The following SRGAP2 variants were observed in gnomAD, a reference collection of about 807,000 sequenced individuals.
The protein encoded by SRGAP2 is SLIT-ROBO Rho GTPase activating protein 2.
A neutral mutation model predicts 57.2 loss-of-function variants in SRGAP2; 15 were observed. The ratio of observed to expected loss-of-function variants is 0.26; its 90% CI spans 0.18 to 0.40. The LOEUF is 0.40. Ranked by LOEUF, SRGAP2 falls within the 10% of genes least tolerant of loss-of-function variation. The pLI, the probability that SRGAP2 is intolerant of heterozygous loss-of-function variation, is 1.00. For missense variants in SRGAP2, 520 were observed against 669.6 expected, an observed-to-expected ratio of 0.78 and a Z score of 2.47; for synonymous variants, 249 against 248.0, an observed-to-expected ratio of 1.00 and a Z score of -0.04.
intron 4 of SRGAP2, among the ~76,000 whole-genome samples, chr1:206,355,765 G>A (rs1159779713): frequency 6.6e-6 from 1 of 152,098 alleles, no homozygotes; most frequent in Non-Finnish European, 1.5e-5. Context: ...TCAGGAGTTT[G>A]AGACCAGCCT....
At chr1:206,214,864 T>G (rs1353083653) in intron 2 of SRGAP2, 1 of 152,142 alleles carries the variant, frequency 6.6e-6, no homozygotes, top group African/African-American at 2.4e-5. Flanking sequence ...TTTCTGGGAT[T>G]CCTTCCTTAA....
chr1:206,286,896 G>A (rs1298012865), intron 2 of SRGAP2, among the ~76,000 whole-genome samples: 2 of 152,022 alleles, frequency 1.3e-5, no homozygotes. Flanking sequence ...TTGGAAAGCC[G>A]TTAGCTTTTC....
At chr1:206,220,508 C>T (rs182377749) in intron 2 of SRGAP2, among the ~76,000 whole-genome samples, 2 of 152,156 alleles carry the variant, frequency 1.3e-5, no homozygotes, top group African/African-American at 4.8e-5. Context: ...TAAATACATT[C>T]TGCCCTCGGA....
At chr1:206,416,195 T>C (rs1553361900) in intron 11 of SRGAP2, among the ~76,000 whole-genome samples, 1 of 152,160 alleles carries the variant, frequency 6.6e-6, no homozygotes, top group African/African-American at 2.4e-5. Flanking sequence ...CATCTAGTTG[T>C]TTAAATGGAG....
chr1:206,449,291 T>TTTG (rs1558445930), intron 18 of SRGAP2, among the ~76,000 whole-genome samples: 1 of 147,422 alleles, frequency 6.8e-6, no homozygotes, highest in Non-Finnish European at 1.5e-5. Flanking sequence ...GGATGATTTT[T>TTTG]TTTTTTTTTT....
chr1:206,297,556 A>G (rs1166533256), intron 2 of SRGAP2, among the ~76,000 whole-genome samples: 2 of 78,400 alleles, frequency 2.6e-5, no homozygotes, highest in South Asian at 5.2e-4. Flanking sequence ...CAGGTTCCCA[A>G]TGGGGAGCGC....
At chr1:206,319,442 G>T (rs1673312058) in intron 3 of SRGAP2, among the ~76,000 whole-genome samples, 1 of 149,844 alleles carries the variant, frequency 6.7e-6, no homozygotes, top group African/African-American at 2.5e-5. Flanking sequence ...ACAGAGGTGA[G>T]TGATGAGAAT....
chr1:206,325,517 G>A, intron 3 of SRGAP2, among the ~76,000 whole-genome samples: 1 of 151,360 alleles, frequency 6.6e-6, no homozygotes. Context: ...CTAGTTTTTT[G>A]TATTTTTGGT....
intron 3 of SRGAP2, among the ~76,000 whole-genome samples, chr1:206,314,259 T>C (rs61816778): frequency 0.14 from 21,801 of 151,552 alleles, 3,170 homozygotes; most frequent in African/African-American, 0.38. Flanking sequence ...CTCAGCCTCC[T>C]GAGTAGCTGG....
intron 4 of SRGAP2, among the ~76,000 whole-genome samples, chr1:206,372,973 CTTT>C (rs1558359139): frequency 0.07 from 2,174 of 30,958 alleles, 318 homozygotes; most frequent in Middle Eastern, 0.14. Context: ...TCCTTTCTTT[CTTT>C]CTTTCTTTCT....
At chr1:206,447,018 G>T (rs1000509883) in intron 18 of SRGAP2, among the ~76,000 whole-genome samples, 2 of 152,186 alleles carry the variant, frequency 1.3e-5, no homozygotes, top group African/African-American at 4.8e-5. Flanking sequence ...AGTATTTTAG[G>T]CCACTCTAGT....
At chr1:206,436,902 C>A in intron 14 of SRGAP2, 63 bp from the exon 15 acceptor site, 1 of 778,470 alleles carries the variant, frequency 1.3e-6, no homozygotes, top group South Asian at 1.3e-5. Flanking sequence ...TTCAACTAAG[C>A]TTGGCACTAT....
chr1:206,426,718 G>T (rs191828217), intron 13 of SRGAP2, among the ~76,000 whole-genome samples: 3 of 152,266 alleles, frequency 2.0e-5, no homozygotes, highest in Admixed American at 6.5e-5. Context: ...TATGATTAGT[G>T]ACATTGAGCA....
intron 8 of SRGAP2, among the ~76,000 whole-genome samples, chr1:206,402,257 A>G (rs1339494158): frequency 6.6e-6 from 1 of 152,118 alleles, no homozygotes; most frequent in Non-Finnish European, 1.5e-5. Flanking sequence ...AGGAGCTAAG[A>G]TGCTATCCCA....
intron 21 of SRGAP2, chr1:206,455,249 T>C (rs1213497990): frequency 1.0e-5 from 6 of 585,380 alleles, no homozygotes; most frequent in Non-Finnish European, 1.8e-5. Flanking sequence ...CCTCGTGCTG[T>C]GGAAGGGTGC....
At chr1:206,249,444 G>A (rs1246624965) in intron 2 of SRGAP2, among the ~76,000 whole-genome samples, 11 of 151,984 alleles carry the variant, frequency 7.2e-5, no homozygotes, top group Non-Finnish European at 1.3e-4. Context: ...TCCTTTGCAG[G>A]GACATGGATG....
chr1:206,373,048 T>TTC (rs1168365402), intron 4 of SRGAP2, among the ~76,000 whole-genome samples: 13 of 119,642 alleles, frequency 1.1e-4, no homozygotes, highest in Admixed American at 8.6e-5. Context: ...CTCTCTCTCT[T>TTC]TCTCTCTCTC....
intron 2 of SRGAP2, among the ~76,000 whole-genome samples, chr1:206,301,057 A>G (rs1671843533): frequency 6.6e-6 from 1 of 152,072 alleles, no homozygotes; most frequent in Non-Finnish European, 1.5e-5. Flanking sequence ...TTTGAGATGG[A>G]GTCTCGCTCT....
chr1:206,365,051 GAA>G (rs1458229729), intron 4 of SRGAP2, among the ~76,000 whole-genome samples: 1 of 126,654 alleles, frequency 7.9e-6, no homozygotes, highest in African/African-American at 3.1e-5. Flanking sequence ...AAACAACATG[GAA>G]GATATGTTTG....
Sources: gnomAD v4.1 joint callset for allele counts (sites outside exome capture counted in the v4.1 genomes callset) on GRCh38, gnomAD v4.1.1 for gene constraint, MANE v1.5 for transcripts, NCBI Gene and HGNC (gene_info 2026-07-23, HGNC 2026-07-21) for gene names.